The following HSD17B12 variants were observed in gnomAD, a reference collection of about 807,000 sequenced individuals.
The protein encoded by HSD17B12 is hydroxysteroid 17-beta dehydrogenase 12, also known as very-long-chain 3-oxoacyl-CoA reductase.
In HSD17B12, 32 loss-of-function variants were observed where a neutral mutation model predicts 39.3. The ratio of observed to expected loss-of-function variants is 0.81; its 90% CI spans 0.61 to 1.09. HSD17B12 has a LOEUF of 1.09. HSD17B12 is among the 50% of genes least tolerant of loss of function. The probability of loss-of-function intolerance (pLI) is 0.00; values close to 1 mark genes in which losing one functional copy is unlikely to be tolerated. For synonymous variants in HSD17B12, 150 were observed against 146.7 expected (o/e 1.02, Z -0.16); for missense variants, 342 against 382.9 (o/e 0.89, Z 0.89).
chr11:43,720,058 C>T (rs1177142640), intron 1 of HSD17B12, among the ~76,000 whole-genome samples: 2 of 152,082 alleles, frequency 1.3e-5, no homozygotes, highest in African/African-American at 2.4e-5. Flanking sequence ...CTTCGAAGTC[C>T]CTTTGTATAG....
chr11:43,622,416 C>G, the HSD17B12 span, among the ~76,000 whole-genome samples: 1 of 151,854 alleles, frequency 6.6e-6, no homozygotes, highest in Non-Finnish European at 1.5e-5. Flanking sequence ...GCAATTAAAG[C>G]AAGACCTCCA....
chr11:43,655,886 T>C, the HSD17B12 span, among the ~76,000 whole-genome samples: 3,759 of 151,810 alleles, frequency 0.025, 68 homozygotes, highest in Non-Finnish European at 0.036. Flanking sequence ...TGTGTCTCCG[T>C]CAGCCTTTGG....
At chr11:43,836,629 A>T (rs1479961998) in intron 7 of HSD17B12, among the ~76,000 whole-genome samples, 1 of 152,132 alleles carries the variant, frequency 6.6e-6, no homozygotes, top group Non-Finnish European at 1.5e-5. Flanking sequence ...ATTTTTGAAC[A>T]TTATCAATAC....
intron 1 of HSD17B12, among the ~76,000 whole-genome samples, chr11:43,726,615 G>A (rs1479010212): frequency 6.6e-6 from 1 of 152,132 alleles, no homozygotes. Flanking sequence ...AGTGTCTTTT[G>A]TTGTTTGTTT....
chr11:43,598,534 C>G, the HSD17B12 span, among the ~76,000 whole-genome samples: 1 of 152,034 alleles, frequency 6.6e-6, no homozygotes, highest in East Asian at 1.9e-4. Flanking sequence ...GAACCAGACC[C>G]TTATTTTACT....
chr11:43,807,593 C>T (rs991184443), intron 4 of HSD17B12, among the ~76,000 whole-genome samples: 2 of 152,098 alleles, frequency 1.3e-5, no homozygotes, highest in Admixed American at 6.5e-5. Context: ...GAATTGTAAG[C>T]GTGACTTGAC....
At chr11:43,606,029 C>T in the HSD17B12 span, among the ~76,000 whole-genome samples, 1 of 152,174 alleles carries the variant, frequency 6.6e-6, no homozygotes, top group African/African-American at 2.4e-5. Context: ...CTGCAATATC[C>T]TAGCAGGACA....
chr11:43,765,502 CTCT>C (rs972166057), intron 3 of HSD17B12, among the ~76,000 whole-genome samples: 6 of 150,858 alleles, frequency 4.0e-5, no homozygotes, highest in Non-Finnish European at 5.9e-5. Context: ...ATTATTTTGC[CTCT>C]TCTTGTAGTT....
At chr11:43,562,347 G>A in the HSD17B12 span, among the ~76,000 whole-genome samples, 1 of 152,370 alleles carries the variant, frequency 6.6e-6, no homozygotes, top group East Asian at 1.9e-4. Flanking sequence ...TTGCAGCCAA[G>A]AAGGCGTGCA....
chr11:43,770,491 G>A (rs563077150), intron 3 of HSD17B12, among the ~76,000 whole-genome samples: 1 of 152,332 alleles, frequency 6.6e-6, no homozygotes, highest in East Asian at 1.9e-4. Flanking sequence ...GCTTGAGAAG[G>A]CCAAAGTGGG....
chr11:43,610,336 TG>T, the HSD17B12 span, among the ~76,000 whole-genome samples: 2 of 152,196 alleles, frequency 1.3e-5, no homozygotes, highest in Non-Finnish European at 2.9e-5. Flanking sequence ...TAATGATCAC[TG>T]TTTAATAAGG....
intron 3 of HSD17B12, among the ~76,000 whole-genome samples, chr11:43,768,733 A>G (rs547895723): frequency 6.6e-6 from 1 of 152,326 alleles, no homozygotes; most frequent in South Asian, 2.1e-4. Context: ...TCAAAGAACA[A>G]ACATTCCACA....
intron 3 of HSD17B12, among the ~76,000 whole-genome samples, chr11:43,765,189 C>A (rs954694235): frequency 1.2e-4 from 18 of 151,666 alleles, no homozygotes; most frequent in African/African-American, 4.1e-4. Context: ...GTCTGAAGGT[C>A]TTCCTTTAAC....
the HSD17B12 span, among the ~76,000 whole-genome samples, chr11:43,559,140 G>A: frequency 6.6e-6 from 1 of 152,138 alleles, no homozygotes; most frequent in Admixed American, 6.5e-5. Context: ...GAAAGCATCA[G>A]GTTTCTTTGT....
intron 9 of HSD17B12, among the ~76,000 whole-genome samples, chr11:43,840,686 T>C (rs1314201296): frequency 6.6e-6 from 1 of 152,198 alleles, no homozygotes; most frequent in Non-Finnish European, 1.5e-5. Context: ...TTCATCCATG[T>C]TGAAGTATGT....
At chr11:43,627,257 G>C in the HSD17B12 span, among the ~76,000 whole-genome samples, 4 of 151,204 alleles carry the variant, frequency 2.6e-5, no homozygotes, top group Non-Finnish European at 5.9e-5. Flanking sequence ...AATGTAACTT[G>C]ATAATAATGA....
intron 4 of HSD17B12, among the ~76,000 whole-genome samples, chr11:43,813,731 G>A (rs1047032811): frequency 6.6e-6 from 1 of 152,148 alleles, no homozygotes; most frequent in African/African-American, 2.4e-5. Flanking sequence ...GATGCCTGGT[G>A]GGTGGAGAAC....
At chr11:43,854,633 C>T in intron 9 of HSD17B12, 82 bp from the exon 10 acceptor site, 1 of 1,408,174 alleles carries the variant, frequency 7.1e-7, no homozygotes, top group Non-Finnish European at 9.8e-7. Context: ...CCACTAAGAG[C>T]AGTCAAGCAC....
At chr11:43,690,377 TATATATATATATATATA>T (rs1949844428) in intron 1 of HSD17B12, among the ~76,000 whole-genome samples, 1 of 9,986 alleles carries the variant, frequency 1.0e-4, no homozygotes, top group Non-Finnish European at 2.1e-4. Flanking sequence ...TATATATATA[TATATATATATATATATA>T]TATATATATA....
Sources: gnomAD v4.1 joint callset for allele counts (sites outside exome capture counted in the v4.1 genomes callset) on GRCh38, gnomAD v4.1.1 for gene constraint, MANE v1.5 for transcripts, NCBI Gene and HGNC (gene_info 2026-07-23, HGNC 2026-07-21) for gene names.